Variants in OXR1 observed in about 807,000 individuals in gnomAD.
OXR1 encodes oxidation resistance protein 1.
A neutral mutation model predicts 104.6 loss-of-function variants in OXR1; 41 were observed. The observed-to-expected ratio is 0.39, with a 90% CI of 0.31 to 0.51. The LOEUF (loss-of-function observed/expected upper bound fraction) is 0.51, where lower values mean the gene tolerates loss of function less well. Ranked by LOEUF, OXR1 falls within the 20% of genes least tolerant of loss-of-function variation. The pLI, the probability that OXR1 is intolerant of heterozygous loss-of-function variation, is 0.77. For missense variants in OXR1, 955 were observed against 1,031.9 expected, an observed-to-expected ratio of 0.93 and a Z score of 1.02; for synonymous variants, 348 against 348.4, an observed-to-expected ratio of 1.00 and a Z score of 0.01.
At chr8:106,460,365 C>T (rs1349502055) in intron 2 of OXR1, among the ~76,000 whole-genome samples, 24 of 152,250 alleles carry the variant, frequency 1.6e-4, no homozygotes, top group South Asian at 6.2e-4. Context: ...AAACATGACT[C>T]GCAATCTTAT....
chr8:106,337,456 A>G (rs1255652399), intron 1 of OXR1, among the ~76,000 whole-genome samples: 1 of 152,226 alleles, frequency 6.6e-6, no homozygotes, highest in Admixed American at 6.5e-5. Flanking sequence ...TTTCACGAAT[A>G]GAGAATAAAC....
chr8:106,277,250 A>C (rs1812086295), intron 1 of OXR1, among the ~76,000 whole-genome samples: 1 of 152,218 alleles, frequency 6.6e-6, no homozygotes, highest in Admixed American at 6.5e-5. Flanking sequence ...CCAAGTTTGT[A>C]TTCAAATCTC....
intron 1 of OXR1, among the ~76,000 whole-genome samples, chr8:106,294,506 G>C (rs1812906484): frequency 6.6e-6 from 1 of 151,978 alleles, no homozygotes; most frequent in Non-Finnish European, 1.5e-5. Context: ...CATGGTGCTG[G>C]CCTCTTCTCA....
intron 2 of OXR1, among the ~76,000 whole-genome samples, chr8:106,492,754 C>T (rs976726531): frequency 2.6e-5 from 4 of 152,120 alleles, no homozygotes; most frequent in African/African-American, 7.2e-5. Flanking sequence ...GAAGCTATGC[C>T]TCATACACCT....
chr8:106,692,560 C>T (rs958986741), intron 6 of OXR1, among the ~76,000 whole-genome samples, 168 bp from the exon 7 acceptor site: 2 of 152,078 alleles, frequency 1.3e-5, no homozygotes, highest in African/African-American at 4.8e-5. Flanking sequence ...AATAGTGCCA[C>T]TTTTGTCCTA....
chr8:106,574,568 A>G (rs973790726), intron 3 of OXR1, among the ~76,000 whole-genome samples: 8 of 152,260 alleles, frequency 5.3e-5, no homozygotes, highest in Non-Finnish European at 1.2e-4. Context: ...TAAACCCTGT[A>G]TCTTCATAGA....
At chr8:106,562,494 A>C (rs559616888) in intron 3 of OXR1, among the ~76,000 whole-genome samples, 103 of 152,340 alleles carry the variant, frequency 6.8e-4, no homozygotes, top group Non-Finnish European at 1.3e-3. Context: ...CCTATGTTAG[A>C]CTGCTGTACC....
intron 1 of OXR1, among the ~76,000 whole-genome samples, chr8:106,327,636 T>C (rs1157539597): frequency 1.3e-5 from 2 of 152,322 alleles, no homozygotes; most frequent in African/African-American, 4.8e-5. Context: ...ATTCCTAATG[T>C]TTTTATACTT....
chr8:106,288,608 A>G (rs13272386), intron 1 of OXR1, among the ~76,000 whole-genome samples: 1 of 148,428 alleles, frequency 6.7e-6, no homozygotes, highest in Non-Finnish European at 1.5e-5. Context: ...TATACTCTCT[A>G]TATATTTATA....
At chr8:106,730,636 A>G (rs1413331407) in intron 11 of OXR1, among the ~76,000 whole-genome samples, 1 of 152,138 alleles carries the variant, frequency 6.6e-6, no homozygotes, top group Non-Finnish European at 1.5e-5. Flanking sequence ...CTGGTAAAGG[A>G]CATTTTGCTT....
At chr8:106,743,083 A>C (rs1835058460) in intron 15 of OXR1, among the ~76,000 whole-genome samples, 1 of 152,214 alleles carries the variant, frequency 6.6e-6, no homozygotes, top group Non-Finnish European at 1.5e-5. Context: ...CAAGGAACTT[A>C]AGCAAATTTG....
chr8:106,512,670 A>G (rs1479123253), intron 2 of OXR1, among the ~76,000 whole-genome samples: 3 of 152,190 alleles, frequency 2.0e-5, no homozygotes, highest in Non-Finnish European at 4.4e-5. Flanking sequence ...TTACAAAACT[A>G]TTAAGAGATG....
intron 1 of OXR1, among the ~76,000 whole-genome samples, chr8:106,289,852 A>G (rs1812675450): frequency 6.6e-6 from 1 of 152,174 alleles, no homozygotes; most frequent in Non-Finnish European, 1.5e-5. Context: ...TGTTACCCCC[A>G]TGCTGTTCTC....
chr8:106,469,107 G>T (rs1821348288), intron 2 of OXR1, among the ~76,000 whole-genome samples: 1 of 151,716 alleles, frequency 6.6e-6, no homozygotes, highest in Admixed American at 6.6e-5. Context: ...ACACCTCAGA[G>T]AAGTCTTCTG....
At chr8:106,701,891 G>A (rs1830610146) in intron 7 of OXR1, among the ~76,000 whole-genome samples, 1 of 152,210 alleles carries the variant, frequency 6.6e-6, no homozygotes, top group African/African-American at 2.4e-5. Flanking sequence ...AGTATGATCA[G>A]CTGCCTGTGG....
At chr8:106,400,779 T>C (rs937138079) in intron 2 of OXR1, among the ~76,000 whole-genome samples, 1 of 152,220 alleles carries the variant, frequency 6.6e-6, no homozygotes, top group Non-Finnish European at 1.5e-5. Flanking sequence ...GAGTATCTAA[T>C]TGCAATCTGT....
At chr8:106,738,802 T>G (rs983869584) in intron 12 of OXR1, among the ~76,000 whole-genome samples, 1 of 151,822 alleles carries the variant, frequency 6.6e-6, no homozygotes, top group African/African-American at 2.4e-5. Context: ...TTAATCTAAT[T>G]TAAAAAATAA....
intron 3 of OXR1, among the ~76,000 whole-genome samples, chr8:106,666,679 A>C (rs560408365): frequency 3.3e-5 from 5 of 152,296 alleles, no homozygotes; most frequent in Non-Finnish European, 7.3e-5. Context: ...ATTATGGTGA[A>C]ACTGACCTAC....
chr8:106,566,968 G>T (rs765316006), intron 3 of OXR1, among the ~76,000 whole-genome samples: 7 of 152,086 alleles, frequency 4.6e-5, no homozygotes, highest in African/African-American at 1.7e-4. Flanking sequence ...CCTGTCGGGG[G>T]TTGGAGGGCA....
Sources: gnomAD v4.1 joint callset for allele counts (sites outside exome capture counted in the v4.1 genomes callset) on GRCh38, gnomAD v4.1.1 for gene constraint, MANE v1.5 for transcripts, NCBI Gene and HGNC (gene_info 2026-07-23, HGNC 2026-07-21) for gene names.